Variants in MEI4 observed in about 807,000 individuals in gnomAD.
The protein encoded by MEI4 is meiosis-specific protein MEI4.
In MEI4, 27 loss-of-function variants were observed where a neutral mutation model predicts 31.4. The observed-to-expected ratio is 0.86, with a 90% CI of 0.63 to 1.19. The LOEUF (loss-of-function observed/expected upper bound fraction) is 1.19, where lower values mean the gene tolerates loss of function less well. Among genes scored for constraint, MEI4 ranks in the 50% most tolerant of loss-of-function variants. The pLI, the probability that MEI4 is intolerant of heterozygous loss-of-function variation, is 0.00. For missense variants in MEI4, 329 were observed against 398.9 expected, an observed-to-expected ratio of 0.82 and a Z score of 1.49; for synonymous variants, 122 against 145.4, an observed-to-expected ratio of 0.84 and a Z score of 1.16.
intron 4 of MEI4, among the ~76,000 whole-genome samples, chr6:77,845,350 G>A (rs1384626): frequency 0.83 from 125,654 of 152,142 alleles, 52,408 homozygotes; most frequent in East Asian, 0.95. Flanking sequence ...ATAATTTTAT[G>A]TCTATGTGTC....
At chr6:77,682,758 C>T (rs965468687) in intron 1 of MEI4, among the ~76,000 whole-genome samples, 2 of 152,114 alleles carry the variant, frequency 1.3e-5, no homozygotes, top group African/African-American at 4.8e-5. Context: ...AGGGGATAGT[C>T]GCTTGCTGCT....
chr6:77,694,320 G>GTTA (rs1769215407), intron 2 of MEI4, among the ~76,000 whole-genome samples: 1 of 151,896 alleles, frequency 6.6e-6, no homozygotes, highest in Non-Finnish European at 1.5e-5. Context: ...GTGCAGGTTA[G>GTTA]TTACATACGT....
intron 4 of MEI4, among the ~76,000 whole-genome samples, chr6:77,851,797 A>T (rs1383209654): frequency 6.6e-6 from 1 of 152,156 alleles, no homozygotes. Context: ...AAGAAAAAAA[A>T]GCAGGGATTT....
At chr6:77,864,525 A>G (rs1016903080) in intron 4 of MEI4, among the ~76,000 whole-genome samples, 3 of 152,254 alleles carry the variant, frequency 2.0e-5, no homozygotes, top group African/African-American at 7.2e-5. Flanking sequence ...CAACAAGAAG[A>G]GCTAACTCTT....
intron 4 of MEI4, among the ~76,000 whole-genome samples, chr6:77,909,159 G>T (rs1356128672): frequency 6.6e-6 from 1 of 152,042 alleles, no homozygotes; most frequent in Non-Finnish European, 1.5e-5. Context: ...ATGTCTCTCA[G>T]ACCACAGTGC....
At chr6:77,699,357 T>C (rs79049766) in intron 2 of MEI4, among the ~76,000 whole-genome samples, 1 of 150,694 alleles carries the variant, frequency 6.6e-6, no homozygotes, top group African/African-American at 2.4e-5. Context: ...GCCCGGCTAA[T>C]TTTTTTTTGT....
chr6:77,894,207 G>T (rs1484754680), intron 4 of MEI4, among the ~76,000 whole-genome samples: 6 of 151,828 alleles, frequency 4.0e-5, no homozygotes, highest in Admixed American at 2.0e-4. Context: ...TCATATACTT[G>T]TATGATTACT....
chr6:77,653,688 A>G (rs975032122), intron 1 of MEI4, among the ~76,000 whole-genome samples: 4 of 152,318 alleles, frequency 2.6e-5, no homozygotes, highest in South Asian at 2.1e-4. Flanking sequence ...ACTCTGATCT[A>G]TCAAAAGATA....
intron 3 of MEI4, among the ~76,000 whole-genome samples, chr6:77,776,075 C>A (rs1768431473): frequency 6.6e-6 from 1 of 150,970 alleles, no homozygotes; most frequent in South Asian, 2.1e-4. Context: ...ATTGTAGATT[C>A]TGGCTATTAG....
At chr6:77,691,113 A>T (rs1769149334) in intron 2 of MEI4, among the ~76,000 whole-genome samples, 1 of 152,076 alleles carries the variant, frequency 6.6e-6, no homozygotes, top group Non-Finnish European at 1.5e-5. Flanking sequence ...AAGTTAGAGA[A>T]TGAAAATAGT....
Position 77,841,314 on chromosome 6 carries a change from C to CATATATATAT in MEI4, c.900+12263_900+12272dup, listed in dbSNP as rs1315994932. On this transcript the variant is annotated intron_variant, in intron 4 of 4. Coordinates refer to ENST00000684080, the MANE Select transcript of MEI4 (RefSeq NM_001322247.2). The stretch of plus-strand genomic sequence containing the variant: ...TACTGAGAAAGGTTACAAATGTGTG[C>CATATATATAT]ATATATATATATATATATATTTTTT... Among the ~76,000 whole-genome samples, 227 of 51,866 alleles carry CATATATATAT rather than the reference C, an allele frequency of 4.4e-3. 5 individuals are homozygous for CATATATATAT. The highest frequency in any genetic ancestry group is 0.029 in the Middle Eastern group (3 of 104). The allele number at this position is 51,866 out of a possible 152,430, so 34.0% of individuals were successfully genotyped here.
At chr6:77,796,727 T>C (rs1182856143) in intron 3 of MEI4, among the ~76,000 whole-genome samples, 1 of 152,174 alleles carries the variant, frequency 6.6e-6, no homozygotes, top group East Asian at 1.9e-4. Context: ...ATATCCCTAG[T>C]TTATGAATTG....
chr6:77,800,154 A>G (rs1159443543), intron 3 of MEI4, among the ~76,000 whole-genome samples: 5 of 151,992 alleles, frequency 3.3e-5, no homozygotes, highest in African/African-American at 1.2e-4. Context: ...ATTTCTTTGT[A>G]TCCTCTTTTA....
At chr6:77,805,903 A>T (rs1305225010) in intron 3 of MEI4, among the ~76,000 whole-genome samples, 2 of 152,012 alleles carry the variant, frequency 1.3e-5, no homozygotes, top group African/African-American at 4.8e-5. Context: ...ATTATTAGAG[A>T]AAGTTATAAA....
chr6:77,825,740 T>C (rs1011669433), intron 3 of MEI4, among the ~76,000 whole-genome samples: 1 of 152,334 alleles, frequency 6.6e-6, no homozygotes, highest in Non-Finnish European at 1.5e-5. Flanking sequence ...TTGGGACTCA[T>C]TGTTACAGCT....
intron 3 of MEI4, among the ~76,000 whole-genome samples, chr6:77,789,572 A>C (rs925142139): frequency 1.3e-5 from 2 of 152,162 alleles, no homozygotes; most frequent in Non-Finnish European, 2.9e-5. Flanking sequence ...AAAACAAACA[A>C]ACCCATCAAA....
chr6:77,694,215 G>A (rs1456263958), intron 2 of MEI4, among the ~76,000 whole-genome samples: 3 of 151,376 alleles, frequency 2.0e-5, no homozygotes, highest in African/African-American at 7.3e-5. Context: ...ATGTAACTGG[G>A]TGCCTGGGCA....
chr6:77,918,911 T>C (rs1766632720), intron 4 of MEI4, among the ~76,000 whole-genome samples: 1 of 152,134 alleles, frequency 6.6e-6, no homozygotes, highest in South Asian at 2.1e-4. Context: ...GGGATTCTCA[T>C]AGATAGCACT....
Position 77,916,867 on chromosome 6 carries a change from C to G in MEI4, c.901-6222C>G, listed in dbSNP as rs967238662. Among the ~76,000 whole-genome samples, 9 of 151,796 alleles carry G rather than the reference C, an allele frequency of 5.9e-5. No individual in the cohort carries two copies. The East Asian group carries it at 9.8e-4, about 16-fold the overall frequency. On this transcript the variant is annotated intron_variant, in intron 4 of 4. Transcript: ENST00000684080. ...ATGTGGCATGCTGGTGCACTGCACC[C>G]ACTAACTCGTCATCTAGCATTAGGT...
Sources: gnomAD v4.1 joint callset for allele counts (sites outside exome capture counted in the v4.1 genomes callset) on GRCh38, gnomAD v4.1.1 for gene constraint, MANE v1.5 for transcripts, NCBI Gene and HGNC (gene_info 2026-07-23, HGNC 2026-07-21) for gene names.